Variants in PRR16 observed in about 807,000 individuals in gnomAD.
PRR16 encodes the protein proline rich 16.
A neutral mutation model predicts 18.2 loss-of-function variants in PRR16; 6 were observed. The observed-to-expected ratio is 0.33, with a 90% CI of 0.18 to 0.65. The LOEUF is 0.65. Among genes scored for constraint, PRR16 ranks in the 30% least tolerant of loss-of-function variants. PRR16 has a pLI of 0.74. For synonymous variants in PRR16, 151 were observed against 147.8 expected (o/e 1.02, Z -0.16); for missense variants, 412 against 376.6 (o/e 1.09, Z -0.78).
the PRR16 span, among the ~76,000 whole-genome samples, chr5:120,771,554 T>C: frequency 6.6e-6 from 1 of 152,110 alleles, no homozygotes; most frequent in Non-Finnish European, 1.5e-5. Flanking sequence ...TCAAAACTTG[T>C]CAGGGAATAT....
chr5:120,706,946 G>A, the PRR16 span, among the ~76,000 whole-genome samples: 4,809 of 152,232 alleles, frequency 0.032, 170 homozygotes, highest in African/African-American at 0.08. Flanking sequence ...TAGACACTGG[G>A]ATATAGGGAC....
intron 1 of PRR16, among the ~76,000 whole-genome samples, chr5:120,596,085 TCATC>T (rs556535318): frequency 8.2e-4 from 124 of 151,666 alleles, no homozygotes; most frequent in African/African-American, 2.8e-3. Context: ...CTGTGTCTCT[TCATC>T]CATCCATTTA....
chr5:120,700,491 G>T, the PRR16 span, among the ~76,000 whole-genome samples: 22 of 152,120 alleles, frequency 1.4e-4, no homozygotes, highest in East Asian at 5.8e-4. Context: ...GTGAAGAAGG[G>T]TGGCAATGAG....
chr5:120,505,581 A>G (rs1343293728), intron 1 of PRR16, among the ~76,000 whole-genome samples: 4 of 152,194 alleles, frequency 2.6e-5, no homozygotes, highest in Non-Finnish European at 5.9e-5. Flanking sequence ...CTGGAGGATG[A>G]AGATTGAATG....
the PRR16 span, among the ~76,000 whole-genome samples, chr5:120,694,590 A>G: frequency 6.6e-6 from 1 of 151,512 alleles, no homozygotes; most frequent in Non-Finnish European, 1.5e-5. Flanking sequence ...AGGCTGAGGC[A>G]GGAGAATGGC....
chr5:120,579,398 G>A (rs561283965), intron 1 of PRR16, among the ~76,000 whole-genome samples: 1 of 152,126 alleles, frequency 6.6e-6, no homozygotes, highest in East Asian at 1.9e-4. Context: ...ATACATTTAA[G>A]TCTTTAATCC....
intron 1 of PRR16, among the ~76,000 whole-genome samples, chr5:120,657,747 A>G (rs1022386337): frequency 6.6e-6 from 1 of 151,942 alleles, no homozygotes; most frequent in Non-Finnish European, 1.5e-5. Context: ...TCCCAAGGAC[A>G]GAAGAAGTGA....
chr5:120,696,350 G>T, the PRR16 span, among the ~76,000 whole-genome samples: 1 of 152,154 alleles, frequency 6.6e-6, no homozygotes, highest in Non-Finnish European at 1.5e-5. Flanking sequence ...ATATGCTTTT[G>T]TAGTGTGCAT....
intron 1 of PRR16, among the ~76,000 whole-genome samples, chr5:120,651,270 C>G (rs904113120): frequency 1.1e-4 from 16 of 152,102 alleles, no homozygotes; most frequent in East Asian, 9.6e-4. Context: ...TTCTCCCATT[C>G]TGTAGGTTGC....
At chr5:120,486,561 A>C (rs572812435) in intron 1 of PRR16, among the ~76,000 whole-genome samples, 2 of 151,952 alleles carry the variant, frequency 1.3e-5, no homozygotes, top group African/African-American at 2.4e-5. Context: ...TTGTCAGATG[A>C]GTAGATTGCA....
the PRR16 span, among the ~76,000 whole-genome samples, chr5:120,692,897 C>A: frequency 9.2e-5 from 14 of 152,156 alleles, no homozygotes; most frequent in African/African-American, 3.1e-4. Flanking sequence ...TAGTCACCAA[C>A]AGGCATTTTT....
At position 120,591,470 on chromosome 5, in the gene PRR16, G is replaced by A. The variant is rs192286214; in HGVS notation, c.160-94484G>A. Among the ~76,000 whole-genome samples the A allele has an allele frequency of 1.8e-3, 270 of 151,678 alleles. 4 individuals carry two copies. Among genetic ancestry groups the A allele is most frequent in the Admixed American group, 6.1e-3 (93 of 15,214 alleles). On this transcript the variant is annotated intron_variant, in intron 1 of 1. Coordinates refer to ENST00000407149, the MANE Select transcript of PRR16 (RefSeq NM_001300783.2). ...TTATAAAGGGATATAATCCTTATTC[G>A]TTTATGAAAGATGTACAGTGTATCT...
At chr5:120,769,730 C>T in the PRR16 span, among the ~76,000 whole-genome samples, 22 of 151,852 alleles carry the variant, frequency 1.4e-4, no homozygotes, top group African/African-American at 4.1e-4. Context: ...TGCCCAGAAG[C>T]GGAATTGCTG....
intron 1 of PRR16, among the ~76,000 whole-genome samples, chr5:120,500,169 G>A (rs1262226749): frequency 1.3e-5 from 2 of 152,116 alleles, no homozygotes; most frequent in Non-Finnish European, 2.9e-5. Flanking sequence ...GCTGGGATTA[G>A]AACAACAATA....
At chr5:120,749,786 T>A in the PRR16 span, among the ~76,000 whole-genome samples, 252 of 152,280 alleles carry the variant, frequency 1.7e-3, no homozygotes, top group African/African-American at 5.8e-3. Flanking sequence ...AATATGCACA[T>A]GGATATTCTC....
chr5:120,760,835 C>T, the PRR16 span, among the ~76,000 whole-genome samples: 1 of 152,064 alleles, frequency 6.6e-6, no homozygotes, highest in Admixed American at 6.6e-5. Flanking sequence ...CAGGATTGAG[C>T]TCCGGTAGCA....
intron 1 of PRR16, among the ~76,000 whole-genome samples, chr5:120,484,125 T>G (rs1343400199): frequency 6.6e-6 from 1 of 151,834 alleles, no homozygotes; most frequent in Non-Finnish European, 1.5e-5. Flanking sequence ...CTAACAATAT[T>G]GTTTAATAGA....
chr5:120,580,215 C>A (rs974885043), intron 1 of PRR16, among the ~76,000 whole-genome samples: 1 of 151,994 alleles, frequency 6.6e-6, no homozygotes, highest in African/African-American at 2.4e-5. Flanking sequence ...ATTTGAATAC[C>A]CTTTATTTCT....
chr5:120,765,852 G>GGTAAGTT, the PRR16 span, among the ~76,000 whole-genome samples: 1 of 151,924 alleles, frequency 6.6e-6, no homozygotes, highest in Non-Finnish European at 1.5e-5. Context: ...TACATGGAGA[G>GGTAAGTT]GTAAGTTCAT....
Sources: allele counts gnomAD v4.1 joint callset (sites outside exome capture counted in the v4.1 genomes callset), GRCh38; gene constraint gnomAD v4.1.1; transcripts MANE v1.5; gene names NCBI Gene and HGNC (gene_info 2026-07-23, HGNC 2026-07-21).